TAF4B: variants seen among roughly 807,000 people sequenced by gnomAD.
TAF4B encodes the protein transcription initiation factor TFIID subunit 4B.
A neutral mutation model predicts 86.4 loss-of-function variants in TAF4B; 38 were observed. That is an observed-to-expected ratio of 0.44 (90% CI 0.34 to 0.58). The LOEUF is 0.58. Among genes scored for constraint, TAF4B ranks in the 20% least tolerant of loss-of-function variants. The pLI, the probability that TAF4B is intolerant of heterozygous loss-of-function variation, is 0.02. For synonymous variants in TAF4B, 388 were observed against 391.2 expected (o/e 0.99, Z 0.10); for missense variants, 988 against 1,027.6 (o/e 0.96, Z 0.53).
At chr18:26,262,944 T>G (rs1489789153) in intron 1 of TAF4B, among the ~76,000 whole-genome samples, 2 of 152,118 alleles carry the variant, frequency 1.3e-5, no homozygotes, top group Non-Finnish European at 2.9e-5. Context: ...CAAAAGACTT[T>G]TTTTTTTTTA....
intron 13 of TAF4B, among the ~76,000 whole-genome samples, chr18:26,338,495 G>GTTTTTTTA (rs1568160847): frequency 8.0e-6 from 1 of 125,080 alleles, no homozygotes; most frequent in Non-Finnish European, 1.6e-5. Context: ...TTTTTTTTTG[G>GTTTTTTTA]GAGACGGAAT....
In TAF4B at chr18:26,244,477, G is replaced by A. The variant is rs867981339; in HGVS notation, c.343+17201G>A. ...TGATTTTCCAGGTACTGTCTGTCAC[G>A]GCTTCCCTTGGCTAGTAAAGGCAAT... On this transcript the variant is annotated intron_variant, in intron 1 of 14. Coordinates refer to ENST00000269142, the MANE Select transcript of TAF4B (RefSeq NM_005640.3). Among the ~76,000 whole-genome samples the A allele has an allele frequency of 2.0e-5, 3 of 152,160 alleles. No individual in the cohort carries two copies. The East Asian group carries it at 5.8e-4, about 29-fold the overall frequency.
intron 14 of TAF4B, among the ~76,000 whole-genome samples, chr18:26,371,738 T>A (rs1427824249): frequency 6.6e-6 from 1 of 152,098 alleles, no homozygotes; most frequent in Admixed American, 6.5e-5. Flanking sequence ...ACTTTGATGA[T>A]CTCAGTAAAT....
chr18:26,234,041 T>C (rs894887505), intron 1 of TAF4B, among the ~76,000 whole-genome samples: 1 of 152,350 alleles, frequency 6.6e-6, no homozygotes, highest in South Asian at 2.1e-4. Context: ...TATTTTCCAC[T>C]GACTGACTTT....
intron 1 of TAF4B, among the ~76,000 whole-genome samples, chr18:26,257,238 A>G (rs1429447153): frequency 6.6e-6 from 1 of 152,126 alleles, no homozygotes; most frequent in Non-Finnish European, 1.5e-5. Flanking sequence ...TTTTTGCTTC[A>G]TGTATTTTAG....
chr18:26,326,728 C>CT (rs2057007952), intron 11 of TAF4B, among the ~76,000 whole-genome samples: 1 of 152,122 alleles, frequency 6.6e-6, no homozygotes, highest in Non-Finnish European at 1.5e-5. Flanking sequence ...GAAGGATCTG[C>CT]TTGGCTTAAT....
chr18:26,352,160 T>G (rs2057250950), intron 13 of TAF4B, among the ~76,000 whole-genome samples: 1 of 152,040 alleles, frequency 6.6e-6, no homozygotes, highest in Non-Finnish European at 1.5e-5. Context: ...TGATAGACCT[T>G]AATCTAATCA....
chr18:26,322,786 A>G (rs1346310094), intron 11 of TAF4B, among the ~76,000 whole-genome samples: 2 of 151,846 alleles, frequency 1.3e-5, no homozygotes, highest in African/African-American at 4.8e-5. Flanking sequence ...CTTCAGGCTT[A>G]GTTTGCTCTT....
At chr18:26,337,014 A>G (rs1490758247) in intron 13 of TAF4B, among the ~76,000 whole-genome samples, 2 of 152,228 alleles carry the variant, frequency 1.3e-5, no homozygotes, top group South Asian at 2.1e-4. Context: ...GTGAGAGGAA[A>G]TGTACCAAAA....
chr18:26,350,362 A>C (rs2057234809), intron 13 of TAF4B, among the ~76,000 whole-genome samples: 1 of 152,236 alleles, frequency 6.6e-6, no homozygotes, highest in Non-Finnish European at 1.5e-5. Context: ...CAGCAAAAAA[A>C]TCAGTCTGAT....
chr18:26,305,517 C>T (rs2056785115), intron 9 of TAF4B, among the ~76,000 whole-genome samples: 1 of 152,176 alleles, frequency 6.6e-6, no homozygotes, highest in African/African-American at 2.4e-5. Flanking sequence ...AAACGATTCT[C>T]GTGCCTCAGC....
chr18:26,315,144 C>CTCTCTG (rs1418114128), intron 9 of TAF4B, 85 bp from the exon 10 acceptor site: 10 of 247,744 alleles, frequency 4.0e-5, no homozygotes, highest in Non-Finnish European at 5.2e-5. Context: ...CTCTCTCTCT[C>CTCTCTG]TGTCTCTCTC....
chr18:26,257,577 C>T (rs1165960538), intron 1 of TAF4B, among the ~76,000 whole-genome samples: 1 of 152,064 alleles, frequency 6.6e-6, no homozygotes, highest in Non-Finnish European at 1.5e-5. Flanking sequence ...ACTTAGCCTG[C>T]CATTTACTTT....
At chr18:26,359,051 C>T (rs2057311125) in intron 14 of TAF4B, among the ~76,000 whole-genome samples, 1 of 152,156 alleles carries the variant, frequency 6.6e-6, no homozygotes. Context: ...CATATCCTTC[C>T]AGGATATATG....
intron 13 of TAF4B, among the ~76,000 whole-genome samples, chr18:26,354,309 G>C (rs1422178645): frequency 2.0e-5 from 3 of 152,196 alleles, no homozygotes; most frequent in Non-Finnish European, 4.4e-5. Flanking sequence ...CTGACCTCAA[G>C]TGATCTGCCC....
intron 1 of TAF4B, among the ~76,000 whole-genome samples, chr18:26,245,663 T>C (rs2055912711): frequency 6.6e-6 from 1 of 152,220 alleles, no homozygotes; most frequent in Non-Finnish European, 1.5e-5. Flanking sequence ...ATTTTTAGAA[T>C]GCTCTTGCTG....
intron 12 of TAF4B, among the ~76,000 whole-genome samples, chr18:26,330,765 T>C (rs2057043723): frequency 1.3e-5 from 2 of 152,210 alleles, no homozygotes; most frequent in Admixed American, 1.3e-4. Context: ...TCTCCATGTT[T>C]GTAAAAACAT....
intron 1 of TAF4B, among the ~76,000 whole-genome samples, chr18:26,258,647 G>GT (rs1167042042): frequency 6.6e-6 from 1 of 152,048 alleles, no homozygotes; most frequent in Admixed American, 6.6e-5. Context: ...TTCATTTAGT[G>GT]TTTTTTGTAT....
At chr18:26,329,188 G>A (rs1283971379) in intron 12 of TAF4B, among the ~76,000 whole-genome samples, 1 of 152,064 alleles carries the variant, frequency 6.6e-6, no homozygotes, top group Non-Finnish European at 1.5e-5. Flanking sequence ...TTCTTAAGTA[G>A]CTGGGACTAC....
Sources: allele counts gnomAD v4.1 joint callset (sites outside exome capture counted in the v4.1 genomes callset), GRCh38; gene constraint gnomAD v4.1.1; transcripts MANE v1.5; gene names NCBI Gene and HGNC (gene_info 2026-07-23, HGNC 2026-07-21).